SMG6: variants seen among roughly 807,000 people sequenced by gnomAD.
SMG6 encodes SMG6 nonsense mediated mRNA decay factor, also known as telomerase-binding protein EST1A.
SMG6 carries 66 observed loss-of-function variants against 142.2 expected under a neutral mutation model. The ratio of observed to expected loss-of-function variants is 0.46; its 90% CI spans 0.38 to 0.57. The LOEUF (loss-of-function observed/expected upper bound fraction) is 0.57. Among genes scored for constraint, SMG6 ranks in the 20% least tolerant of loss-of-function variants. The pLI is 0.00. For synonymous variants in SMG6, 779 were observed against 702.4 expected, an observed-to-expected ratio of 1.11 and a Z score of -1.72; for missense variants, 1,793 against 1,832.0, an observed-to-expected ratio of 0.98 and a Z score of 0.39.
chr17:2,115,369 C>T (rs1231429893), intron 13 of SMG6, among the ~76,000 whole-genome samples: 1 of 151,966 alleles, frequency 6.6e-6, no homozygotes, highest in African/African-American at 2.4e-5. Context: ...TATTGCAGTT[C>T]AACAGGATAC....
intron 16 of SMG6, among the ~76,000 whole-genome samples, chr17:2,066,268 ATGTC>A (rs970506594): frequency 6.0e-5 from 9 of 151,100 alleles, no homozygotes; most frequent in African/African-American, 9.8e-5. Context: ...GCGCACGTGT[ATGTC>A]TGTGTGCGTG....
chr17:2,101,538 C>T (rs1268501536), intron 13 of SMG6: 1 of 152,188 alleles, frequency 6.6e-6, no homozygotes, highest in African/African-American at 2.4e-5. Flanking sequence ...GAACTAAGAT[C>T]CAAAGCCAGA....
chr17:2,097,219 A>G (rs567165862), intron 13 of SMG6, among the ~76,000 whole-genome samples: 1 of 151,990 alleles, frequency 6.6e-6, no homozygotes, highest in East Asian at 1.9e-4. Context: ...CAGTGGCACA[A>G]TCACGGCTCA....
intron 13 of SMG6, among the ~76,000 whole-genome samples, chr17:2,098,812 A>G (rs1348632024): frequency 6.6e-6 from 1 of 151,806 alleles, no homozygotes; most frequent in Non-Finnish European, 1.5e-5. Flanking sequence ...TGTATTTTTA[A>G]TAGAGACGGA....
At chr17:2,140,589 T>C (rs1367834210) in intron 13 of SMG6, among the ~76,000 whole-genome samples, 1 of 151,240 alleles carries the variant, frequency 6.6e-6, no homozygotes, top group African/African-American at 2.4e-5. Context: ...GGAGAATCGC[T>C]TGAACCTGGG....
At chr17:2,244,098 C>A (rs1334800306) in intron 9 of SMG6, among the ~76,000 whole-genome samples, 1 of 152,190 alleles carries the variant, frequency 6.6e-6, no homozygotes, top group Non-Finnish European at 1.5e-5. Flanking sequence ...TTTGCACACA[C>A]TACCTTCCCT....
At position 2,158,897 on chromosome 17, in the gene SMG6, G is replaced by GT. The variant is rs201755079; in HGVS notation, c.3357+13760dup. Among the ~76,000 whole-genome samples, 284 of 111,770 alleles carry GT rather than the reference G, an allele frequency of 2.5e-3. 1 individual carries two copies. The highest frequency in any genetic ancestry group is 4.2e-3 in the Non-Finnish European group (219 of 51,624). 73.3% of individuals were successfully genotyped at this position (111,770 alleles called of 152,430 possible). A position where few individuals can be genotyped will look rare whatever the true frequency, so the allele number is the denominator to read the frequency against. On this transcript the variant is annotated intron_variant, in intron 13 of 18. Transcript: ENST00000263073. ...AAAAAAGTTTGCTGTTCAAGACTAT[G>GT]TTTAAAAAAAAAAAAAAAAGGCAAA... is the stretch of plus-strand genomic sequence containing the variant.
chr17:2,239,215 A>G (rs961518008), intron 9 of SMG6, among the ~76,000 whole-genome samples: 4 of 152,332 alleles, frequency 2.6e-5, no homozygotes, highest in African/African-American at 9.6e-5. Flanking sequence ...CCTGATGTCT[A>G]CTACTATCTT....
At chr17:2,135,040 T>C (rs1354578452) in intron 13 of SMG6, among the ~76,000 whole-genome samples, 1 of 152,056 alleles carries the variant, frequency 6.6e-6, no homozygotes, top group African/African-American at 2.4e-5. Context: ...CCACCATGCC[T>C]GGCTAATTTT....
At chr17:2,293,104 A>C in intron 4 of SMG6, 127 bp from the exon 5 acceptor site, 1 of 683,046 alleles carries the variant, frequency 1.5e-6, no homozygotes, top group Non-Finnish European at 2.6e-6. Context: ...ACAAAGTATA[A>C]AGTTTTTAGC....
rs374936394 is a variant in SMG6 at position 2,296,045 on chromosome 17, CCATT to C, written c.2151+1194_2151+1197del. 3.2e-3 allele frequency among the ~76,000 whole-genome samples: 494 copies of C among 152,318 alleles called. 2 individuals are homozygous for C. Among genetic ancestry groups the C allele is most frequent in the Non-Finnish European group, 5.7e-3 (387 of 68,034 alleles). On this transcript the variant is annotated intron_variant, in intron 4 of 18. Transcript: ENST00000263073. ...CTCTATCTCCACTCTTGCCCAGCTC[CCATT>C]CAAACTCACCAATTTGCCCAAGTGA...
chr17:2,185,359 G>T (rs1018186546), intron 12 of SMG6, among the ~76,000 whole-genome samples: 1 of 151,640 alleles, frequency 6.6e-6, no homozygotes, highest in Non-Finnish European at 1.5e-5. Context: ...GCACAGAGTC[G>T]GACACAACCC....
At chr17:2,267,629 C>T (rs781276554) in intron 8 of SMG6, among the ~76,000 whole-genome samples, 2 of 152,104 alleles carry the variant, frequency 1.3e-5, no homozygotes, top group African/African-American at 2.4e-5. Context: ...AGTGCAGAGA[C>T]TCAACTATTC....
At chr17:2,230,978 C>G (rs1179539078) in intron 10 of SMG6, among the ~76,000 whole-genome samples, 1 of 152,148 alleles carries the variant, frequency 6.6e-6, no homozygotes, top group African/African-American at 2.4e-5. Flanking sequence ...CCAAGGGTTT[C>G]TACCACCAGA....
At chr17:2,158,612 TG>T (rs1029110589) in intron 13 of SMG6, among the ~76,000 whole-genome samples, 18 of 152,284 alleles carry the variant, frequency 1.2e-4, no homozygotes, top group African/African-American at 4.3e-4. Context: ...AAGTCCCTAC[TG>T]TGTAGTCAAA....
intron 13 of SMG6, among the ~76,000 whole-genome samples, chr17:2,148,341 A>C (rs2070729992): frequency 6.6e-6 from 1 of 152,270 alleles, no homozygotes; most frequent in South Asian, 2.1e-4. Flanking sequence ...AACAGCCAAA[A>C]AGTGGAAGCA....
intron 16 of SMG6, chr17:2,065,906 CTCCTCTT>C: frequency 1.7e-6 from 1 of 579,390 alleles, no homozygotes; most frequent in Non-Finnish European, 3.1e-6. Context: ...GGGCCCTGCC[CTCCTCTT>C]GGGAGGAACT....
intron 8 of SMG6, among the ~76,000 whole-genome samples, chr17:2,279,635 G>A (rs897078878): frequency 1.3e-5 from 2 of 152,160 alleles, no homozygotes; most frequent in Non-Finnish European, 2.9e-5. Context: ...AAGGAGAGAA[G>A]TGGATGGCTT....
chr17:2,183,348 C>T (rs887500358), intron 12 of SMG6, among the ~76,000 whole-genome samples: 3 of 152,176 alleles, frequency 2.0e-5, no homozygotes, highest in East Asian at 1.9e-4. Context: ...CAGGGCTGAA[C>T]AGAGATGGAG....
Sources: gnomAD v4.1 joint callset for allele counts (sites outside exome capture counted in the v4.1 genomes callset) on GRCh38, gnomAD v4.1.1 for gene constraint, MANE v1.5 for transcripts, NCBI Gene and HGNC (gene_info 2026-07-23, HGNC 2026-07-21) for gene names.